The following TNMD variants were observed in gnomAD, a reference collection of about 807,000 sequenced individuals.
TNMD encodes the protein BRICHOS domain containing 4.
TNMD carries 15 observed loss-of-function variants against 26.9 expected under a neutral mutation model. That is an observed-to-expected ratio of 0.56 (90% CI 0.37 to 0.86). TNMD has a LOEUF of 0.86. Ranked by LOEUF, TNMD falls within the 40% of genes least tolerant of loss-of-function variation. The probability of loss-of-function intolerance (pLI) is 0.00; values close to 1 mark genes in which losing one functional copy is unlikely to be tolerated. For synonymous variants in TNMD, 73 were observed against 77.0 expected, an observed-to-expected ratio of 0.95 and a Z score of 0.27; for missense variants, 222 against 242.6, an observed-to-expected ratio of 0.92 and a Z score of 0.56.
At chrX:100,597,810 A>T (rs1443427196) in intron 5 of TNMD, 153 bp downstream of exon 5, 1 of 531,424 alleles carries the variant, frequency 1.9e-6, no homozygotes. Flanking sequence ...GTGAGGAGGG[A>T]ATTTTTCACA....
rs374859087 is a variant in TNMD at position 100,599,141 on chromosome X, G to A, written c.703G>A (p.Ala235Thr). ...PQVKVEKTRH[A>T]RQASEEELPI... ...AGTGAAAGTAGAGAAGACCCGTCAC[G>A]CCAGACAAGCAAGTGAGGAAGAACT... is the stretch of plus-strand genomic sequence containing the variant. Residue 235 changes from alanine to threonine, a missense_variant, in exon 6 of 7, where the codon GCC becomes ACC. Physicochemically the swap from Ala to Thr is moderately conservative, Grantham distance 58. Transcript: ENST00000373031. 3.9e-5 allele frequency: 47 copies of A among 1,200,241 alleles called. No individual in the cohort carries two copies. Among genetic ancestry groups the A allele is most frequent in the Non-Finnish European group, 4.8e-5 (43 of 890,478 alleles).
chrX:100,595,836 T>C (rs1038378074), intron 4 of TNMD, among the ~76,000 whole-genome samples: 1 of 111,695 alleles, frequency 9.0e-6, no homozygotes, highest in African/African-American at 3.3e-5. Flanking sequence ...ATCTGAGGAA[T>C]AGATCGACGT....
At chrX:100,585,422 G>C (rs56242689) in intron 2 of TNMD, 60 bp downstream of exon 2, 29,705 of 1,035,736 alleles carry the variant, frequency 0.029, 341 homozygotes, top group Middle Eastern at 0.034. Flanking sequence ...AATTTAATTA[G>C]TAGGCATATA....
chrX:100,594,123 G>T, intron 3 of TNMD, 88 bp downstream of exon 3: 6 of 1,027,633 alleles, frequency 5.8e-6, no homozygotes, highest in Non-Finnish European at 7.9e-6. Context: ...TCTAAAATTT[G>T]AATTCAAATG....
intron 2 of TNMD, 184 bp from the exon 3 acceptor site, chrX:100,593,711 C>T: frequency 2.4e-6 from 1 of 423,803 alleles, no homozygotes; most frequent in African/African-American, 2.5e-5. Flanking sequence ...TGCAAACTAT[C>T]ATTTGCTGTT....
intron 2 of TNMD, among the ~76,000 whole-genome samples, chrX:100,590,642 ACC>A (rs2082934566): frequency 3.6e-5 from 4 of 111,705 alleles, no homozygotes; most frequent in Admixed American, 1.9e-4. Flanking sequence ...CCTGGACTTA[ACC>A]ACATATCTGT....
At chrX:100,599,352 C>T (rs1002762127) in intron 6 of TNMD, among the ~76,000 whole-genome samples, 156 bp from the exon 7 acceptor site, 8 of 110,694 alleles carry the variant, frequency 7.2e-5, no homozygotes, top group African/African-American at 1.3e-4. Flanking sequence ...AAATCAATCT[C>T]GATCTCTGTA....
At position 100,596,064 on chromosome X, in the gene TNMD, C is replaced by T. The variant is rs967807790; in HGVS notation, c.424-1440C>T. Among the ~76,000 whole-genome samples, 11 of 112,599 alleles carry T rather than the reference C, an allele frequency of 9.8e-5. No homozygotes were observed. In the East Asian group the frequency reaches 2.2e-3, roughly 23 times the overall value. On this transcript the variant is annotated intron_variant, in intron 4 of 6. Transcript: ENST00000373031. ...GGAGGCGGGGCACGGTGGCTCACGC[C>T]TATAATCCCAGCCCTTTGGGAGGCC...
chrX:100,596,587 C>T (rs891389723), intron 4 of TNMD, among the ~76,000 whole-genome samples: 1 of 111,179 alleles, frequency 9.0e-6, no homozygotes, highest in African/African-American at 3.3e-5. Flanking sequence ...GTATCCATGG[C>T]ATGTGTATTT....
chrX:100,596,200 G>A lies in TNMD; in HGVS notation c.424-1304G>A, dbSNP rs775427214. On this transcript the variant is annotated intron_variant, in intron 4 of 6. Transcript: ENST00000373031. ...CAAAACAAAATTAGCCGGGCATGGTGGCGTGTGCCTGTAATCCCAGCTACT... is the reference window on the plus strand; with the variant it reads ...CAAAACAAAATTAGCCGGGCATGGTAGCGTGTGCCTGTAATCCCAGCTACT... Among the ~76,000 whole-genome samples, 5 of 111,840 alleles carry A rather than the reference G, an allele frequency of 4.5e-5. No individual in the cohort carries two copies. The South Asian group carries it at 1.9e-3, about 43-fold the overall frequency.
At chrX:100,598,934 C>T in intron 5 of TNMD, 82 bp from the exon 6 acceptor site, 1 of 823,015 alleles carries the variant, frequency 1.2e-6, no homozygotes, top group South Asian at 3.3e-5. Context: ...AAATCTCTAT[C>T]CCCAGCTGCT....
intron 2 of TNMD, among the ~76,000 whole-genome samples, chrX:100,586,190 T>A (rs914797188): frequency 8.9e-6 from 1 of 112,781 alleles, no homozygotes. Context: ...TGAAAGATAA[T>A]CAACAAATAT....
chrX:100,593,560 T>G, intron 2 of TNMD: 1 of 163,218 alleles, frequency 6.1e-6, no homozygotes, highest in Non-Finnish European at 1.0e-5. Flanking sequence ...CTAATGAATT[T>G]CACGGGTGAG....
chrX:100,593,003 G>C (rs778287613), intron 2 of TNMD, among the ~76,000 whole-genome samples: 2 of 112,134 alleles, frequency 1.8e-5, no homozygotes, highest in Non-Finnish European at 3.8e-5. Context: ...ATGCTTATTT[G>C]CTTCTACCTA....
Position 100,591,403 on chromosome X carries a change from C to T in TNMD, c.181-2492C>T, listed in dbSNP as rs2082937212. The stretch of plus-strand genomic sequence containing the variant: ...GACCTTCAACCCCTGAGCCAGGAAG[C>T]TTAGTAGAGAGCAAAGTACTTGTGA... On this transcript the variant is annotated intron_variant, in intron 2 of 6. Transcript: ENST00000373031. 5.4e-5 allele frequency among the ~76,000 whole-genome samples: 6 copies of T among 111,777 alleles called. No individual in the cohort carries two copies. In the Admixed American group the frequency reaches 5.7e-4, roughly 11 times the overall value.
intron 2 of TNMD, among the ~76,000 whole-genome samples, chrX:100,590,991 C>A (rs1021150119): frequency 4.5e-5 from 5 of 111,434 alleles, no homozygotes; most frequent in African/African-American, 1.3e-4. Context: ...AGTGTGAAAT[C>A]ATGGGTCAGA....
chrX:100,598,344 A>G (rs2082958758), intron 5 of TNMD, among the ~76,000 whole-genome samples: 1 of 111,853 alleles, frequency 8.9e-6, no homozygotes, highest in African/African-American at 3.2e-5. Flanking sequence ...CTTTAGAGAT[A>G]TTAAAAAGGT....
chrX:100,591,040 G>A (rs760980184), intron 2 of TNMD, among the ~76,000 whole-genome samples: 47 of 111,431 alleles, frequency 4.2e-4, no homozygotes, highest in Non-Finnish European at 6.6e-4. Context: ...GAAGCACCAC[G>A]AGATTCCTAG....
intron 2 of TNMD, among the ~76,000 whole-genome samples, chrX:100,588,320 A>G (rs895860470): frequency 2.7e-5 from 3 of 111,132 alleles, no homozygotes; most frequent in Non-Finnish European, 5.7e-5. Context: ...ACACACACAC[A>G]CACACAGACC....
Sources: allele counts gnomAD v4.1 joint callset (sites outside exome capture counted in the v4.1 genomes callset), GRCh38; gene constraint gnomAD v4.1.1; transcripts MANE v1.5; gene names NCBI Gene and HGNC (gene_info 2026-07-23, HGNC 2026-07-21).